Variants in RNF182 observed in about 807,000 individuals in gnomAD.
RNF182 encodes E3 ubiquitin-protein ligase RNF182.
Under a neutral mutation model 14.4 loss-of-function variants are expected in RNF182, and 15 were observed. The ratio of observed to expected loss-of-function variants is 1.04; its 90% CI spans 0.70 to 1.60. The LOEUF is 1.60. RNF182 is among the 40% of genes most tolerant of loss of function. RNF182 has a pLI of 0.00. For synonymous variants in RNF182, 128 were observed against 122.9 expected (o/e 1.04, Z -0.27); for missense variants, 268 against 294.8 (o/e 0.91, Z 0.67).
Position 13,979,497 on chromosome 6 carries a change from G to A in RNF182, c.*1634G>A, listed in dbSNP as rs970972911. The stretch of plus-strand genomic sequence containing the variant: ...AACTTCGGGAATATGTATGCCCAAA[G>A]TAAGTAGGATGAGAATAGTATACAT... On this transcript the variant is annotated 3_prime_UTR_variant, in exon 3 of 3. Transcript: ENST00000488300. The A allele has an allele frequency of 1.2e-5, 2 of 167,024 alleles. No individual in the cohort carries two copies. Among genetic ancestry groups the A allele is most frequent in the Non-Finnish European group, 2.9e-5 (2 of 68,114 alleles). 10.3% of individuals were successfully genotyped at this position (167,024 alleles called of 1,614,324 possible). A position where few individuals can be genotyped will look rare whatever the true frequency, so the allele number is the denominator to read the frequency against.
At chr6:13,934,176 AT>A (rs1470364915) in intron 1 of RNF182, among the ~76,000 whole-genome samples, 3 of 152,240 alleles carry the variant, frequency 2.0e-5, no homozygotes, top group Non-Finnish European at 4.4e-5. Context: ...CACCAGCCAC[AT>A]TTCAAGTGCT....
chr6:13,953,934 CA>C (rs980745646), intron 1 of RNF182, among the ~76,000 whole-genome samples: 2 of 152,072 alleles, frequency 1.3e-5, no homozygotes, highest in African/African-American at 4.8e-5. Flanking sequence ...GGTGGATGGG[CA>C]GGGGGAGAAA....
chr6:13,968,991 A>G (rs574634308), intron 1 of RNF182, among the ~76,000 whole-genome samples: 1 of 152,302 alleles, frequency 6.6e-6, no homozygotes, highest in East Asian at 1.9e-4. Context: ...AGTAACAGAA[A>G]TCCATCCAGA....
chr6:13,960,303 G>A (rs1759835257), intron 1 of RNF182, among the ~76,000 whole-genome samples: 1 of 152,124 alleles, frequency 6.6e-6, no homozygotes, highest in Non-Finnish European at 1.5e-5. Context: ...AAATGAAAGT[G>A]ATAATATATC....
intron 2 of RNF182, among the ~76,000 whole-genome samples, chr6:13,975,923 C>G (rs1407845608): frequency 1.3e-5 from 2 of 152,178 alleles, no homozygotes; most frequent in Non-Finnish European, 2.9e-5. Flanking sequence ...TATTACTGCT[C>G]CCTTCCATTA....
intron 1 of RNF182, among the ~76,000 whole-genome samples, chr6:13,970,557 A>G (rs1168779703): frequency 1.3e-5 from 2 of 152,194 alleles, no homozygotes; most frequent in Non-Finnish European, 2.9e-5. Context: ...ATGGGGGTGC[A>G]TGTATCCCTT....
At chr6:13,930,524 A>G (rs904020554) in intron 1 of RNF182, among the ~76,000 whole-genome samples, 2 of 151,784 alleles carry the variant, frequency 1.3e-5, no homozygotes, top group African/African-American at 4.8e-5. Context: ...CTCCCTTCTC[A>G]CTCCCTCCCA....
intron 1 of RNF182, among the ~76,000 whole-genome samples, chr6:13,962,533 C>T (rs565955606): frequency 2.0e-5 from 3 of 152,234 alleles, no homozygotes; most frequent in Admixed American, 2.0e-4. Flanking sequence ...CTCCATTTTG[C>T]ACAAAATAAA....
At chr6:13,938,610 T>C (rs939955668) in intron 1 of RNF182, among the ~76,000 whole-genome samples, 2 of 152,192 alleles carry the variant, frequency 1.3e-5, no homozygotes, top group Admixed American at 6.5e-5. Context: ...CCCCTTTGAA[T>C]TGATTTTTGT....
intron 1 of RNF182, among the ~76,000 whole-genome samples, chr6:13,965,791 G>A (rs1172055061): frequency 6.6e-6 from 1 of 152,206 alleles, no homozygotes; most frequent in Non-Finnish European, 1.5e-5. Context: ...GGGTGCTGGG[G>A]CTGAGGAGAT....
chr6:13,939,584 C>A (rs1759234467), intron 1 of RNF182, among the ~76,000 whole-genome samples: 2 of 151,664 alleles, frequency 1.3e-5, no homozygotes, highest in South Asian at 2.1e-4. Flanking sequence ...CTCTCTGTTG[C>A]CCACACTGGA....
intron 1 of RNF182, among the ~76,000 whole-genome samples, chr6:13,966,543 G>A (rs280191): frequency 0.4 from 60,757 of 151,796 alleles, 13,432 homozygotes; most frequent in Middle Eastern, 0.51. Flanking sequence ...TAGGTGGATC[G>A]CTTGAGTACA....
intron 1 of RNF182, among the ~76,000 whole-genome samples, chr6:13,934,739 CA>C (rs1759064014): frequency 6.6e-6 from 1 of 151,930 alleles, no homozygotes. Flanking sequence ...AAACAAAATC[CA>C]AATAAATAAA....
intron 1 of RNF182, among the ~76,000 whole-genome samples, chr6:13,935,965 G>A (rs1292320446): frequency 6.6e-6 from 1 of 152,234 alleles, no homozygotes; most frequent in Non-Finnish European, 1.5e-5. Context: ...AGGAAGCATG[G>A]TTGGGGAGGC....
chr6:13,964,117 A>G (rs574903083), intron 1 of RNF182, among the ~76,000 whole-genome samples: 9 of 152,250 alleles, frequency 5.9e-5, no homozygotes, highest in African/African-American at 2.2e-4. Context: ...TCTAACTAGT[A>G]TATAGAAATA....
intron 1 of RNF182, among the ~76,000 whole-genome samples, chr6:13,930,588 TAGA>T (rs1024628677): frequency 2.0e-5 from 3 of 152,200 alleles, no homozygotes; most frequent in African/African-American, 7.2e-5. Context: ...ACTGTCTCCA[TAGA>T]AGAATGATTA....
intron 1 of RNF182, among the ~76,000 whole-genome samples, chr6:13,970,905 C>A (rs2113644822): frequency 1.3e-5 from 2 of 152,038 alleles, no homozygotes; most frequent in South Asian, 4.2e-4. Flanking sequence ...TCATAGATTC[C>A]CTTTCTTTCC....
rs1431024719 is a variant in RNF182 at position 13,977,510 on chromosome 6, A to G, written c.391A>G (p.Ile131Val). 4 of 1,614,206 alleles carry G rather than the reference A, an allele frequency of 2.5e-6. No homozygotes were observed. Among genetic ancestry groups the G allele is most frequent in the Non-Finnish European group, 3.4e-6 (4 of 1,180,022 alleles). Residue 131 changes from isoleucine to valine, a missense_variant, in exon 3 of 3, where the codon ATA (isoleucine) becomes GTA (valine). By Grantham distance (29) the Ile-to-Val change is conservative. Transcript: ENST00000488300. ...TCACACGTCCTCCAACTGCCTGGTC[A>G]TAACCATCATGGAGGTGCAGAGAGA... ...PSHTSSNCLV[I>V]TIMEVQRESS...
At chr6:13,957,332 T>A (rs1220674504) in intron 1 of RNF182, among the ~76,000 whole-genome samples, 1 of 152,236 alleles carries the variant, frequency 6.6e-6, no homozygotes, top group East Asian at 1.9e-4. Context: ...AAAAGGCCTA[T>A]TGAGAAAAGC....
Sources: gnomAD v4.1 joint callset for allele counts (sites outside exome capture counted in the v4.1 genomes callset) on GRCh38, gnomAD v4.1.1 for gene constraint, MANE v1.5 for transcripts, NCBI Gene and HGNC (gene_info 2026-07-23, HGNC 2026-07-21) for gene names.